NAT1: variants seen among roughly 807,000 people sequenced by gnomAD.
NAT1 encodes N-acetyltransferase 1, also known as arylamine N-acetyltransferase 1.
For missense variants in NAT1, 400 were observed against 339.2 expected, an observed-to-expected ratio of 1.18 and a Z score of -1.41; for synonymous variants, 144 against 122.6, an observed-to-expected ratio of 1.17 and a Z score of -1.16.
intron 2 of NAT1, among the ~76,000 whole-genome samples, chr8:18,171,379 T>C (rs28383659): frequency 1.6e-3 from 189 of 119,616 alleles, no homozygotes; most frequent in African/African-American, 4.6e-3. Context: ...TTAATCCAAA[T>C]TGCCTCCTTA....
intron 2 of NAT1, among the ~76,000 whole-genome samples, chr8:18,184,524 T>G (rs762552052): frequency 1.3e-5 from 2 of 152,202 alleles, no homozygotes; most frequent in Non-Finnish European, 2.9e-5. Context: ...TACAAATTAC[T>G]GGAATTAATC....
chr8:18,172,873 G>T (rs535404125), intron 2 of NAT1, among the ~76,000 whole-genome samples: 89 of 152,148 alleles, frequency 5.8e-4, no homozygotes, highest in African/African-American at 2.1e-3. Flanking sequence ...ATGCTTCAAG[G>T]TCACCTGCCA....
chr8:18,207,142 T>A (rs1382531430), upstream of NAT1, among the ~76,000 whole-genome samples: 1 of 152,228 alleles, frequency 6.6e-6, no homozygotes, highest in Non-Finnish European at 1.5e-5. Context: ...ATTTCACCAT[T>A]GCTTGTTTTT....
At chr8:18,182,297 C>A (rs1280062034) in intron 2 of NAT1, among the ~76,000 whole-genome samples, 2 of 152,168 alleles carry the variant, frequency 1.3e-5, no homozygotes, top group African/African-American at 4.8e-5. Flanking sequence ...CTCAGCATTT[C>A]TTTAATATTC....
intron 2 of NAT1, among the ~76,000 whole-genome samples, chr8:18,191,559 G>A (rs1589071554): frequency 6.6e-6 from 1 of 152,020 alleles, no homozygotes; most frequent in African/African-American, 2.4e-5. Flanking sequence ...AAAGAACAAA[G>A]CTGGAGGCAT....
intron 2 of NAT1, 72 bp from the exon 3 acceptor site, chr8:18,221,970 G>T: frequency 7.1e-7 from 1 of 1,406,144 alleles, no homozygotes; most frequent in Non-Finnish European, 9.7e-7. Flanking sequence ...TTAAAATATA[G>T]CCATAATTAG....
chr8:18,186,914 C>A (rs1802760871), intron 2 of NAT1, among the ~76,000 whole-genome samples: 1 of 152,152 alleles, frequency 6.6e-6, no homozygotes, highest in Non-Finnish European at 1.5e-5. Flanking sequence ...ACTCGAGGAG[C>A]TAAAAGTGAA....
At chr8:18,207,303 G>C (rs193024079), upstream of NAT1, among the ~76,000 whole-genome samples, 23 of 152,272 alleles carry the variant, frequency 1.5e-4, no homozygotes, top group African/African-American at 5.5e-4. Flanking sequence ...AAGGTGGGTA[G>C]TGGGATGCCT....
intron 2 of NAT1, among the ~76,000 whole-genome samples, chr8:18,202,365 G>A (rs1013769642): frequency 4.6e-5 from 7 of 152,168 alleles, no homozygotes; most frequent in Middle Eastern, 3.2e-3. Context: ...CGTCTAAAGC[G>A]CGAAGGGAAA....
chr8:18,191,789 T>G (rs796332046), intron 2 of NAT1, among the ~76,000 whole-genome samples: 1 of 151,276 alleles, frequency 6.6e-6, no homozygotes, highest in South Asian at 2.1e-4. Context: ...TAGCCATATG[T>G]AGAAAGCTGA....
chr8:18,200,200 C>T (rs1563174978), intron 2 of NAT1, among the ~76,000 whole-genome samples: 1 of 152,054 alleles, frequency 6.6e-6, no homozygotes, highest in African/African-American at 2.4e-5. Flanking sequence ...GGTGTATACC[C>T]AAAGGAATAT....
rs141225163 is a variant in NAT1 at position 18,200,759 on chromosome 8, C to T, written n.93-9022C>T. Among the ~76,000 whole-genome samples, 317 of 152,158 alleles carry T rather than the reference C, an allele frequency of 2.1e-3. 2 individuals carry two copies. The highest frequency in any genetic ancestry group is 7.1e-3 in the African/African-American group (293 of 41,542). ...AAGTAATATGTAGGTATCAGGCATACGTGATCAATCCCTTCATTTGTTTAT... is the reference window on the plus strand; with the variant it reads ...AAGTAATATGTAGGTATCAGGCATATGTGATCAATCCCTTCATTTGTTTAT... On this transcript the variant is annotated intron_variant and non_coding_transcript_variant, in intron 2 of 4. Coordinates refer to the NAT1 transcript ENST00000517441.
chr8:18,205,086 A>G (rs1803650685), intron 2 of NAT1, among the ~76,000 whole-genome samples: 1 of 152,196 alleles, frequency 6.6e-6, no homozygotes, highest in Non-Finnish European at 1.5e-5. Flanking sequence ...ACCATTGGTC[A>G]CTACACTCCG....
At chr8:18,191,374 C>T (rs1198059278) in intron 2 of NAT1, among the ~76,000 whole-genome samples, 1 of 152,142 alleles carries the variant, frequency 6.6e-6, no homozygotes, top group Non-Finnish European at 1.5e-5. Context: ...TTTATGTATA[C>T]AAGCCTGTTT....
chr8:18,177,913 T>C (rs770260924), intron 2 of NAT1, among the ~76,000 whole-genome samples: 3 of 152,136 alleles, frequency 2.0e-5, no homozygotes, highest in Non-Finnish European at 4.4e-5. Context: ...TTTGAGGTTA[T>C]CTTAGCTTTT....
intron 2 of NAT1, among the ~76,000 whole-genome samples, chr8:18,193,372 G>T (rs1335196671): frequency 6.7e-6 from 1 of 150,068 alleles, no homozygotes; most frequent in African/African-American, 2.4e-5. Context: ...CAGGAAGACT[G>T]CTTGAGCCTG....
chr8:18,182,709 T>C (rs1357077970), intron 2 of NAT1, among the ~76,000 whole-genome samples: 6 of 152,120 alleles, frequency 3.9e-5, no homozygotes, highest in Non-Finnish European at 1.5e-5. Context: ...TCTAAGACTG[T>C]CTCACTATTT....
At chr8:18,206,448 G>C (rs1371831949), upstream of NAT1, among the ~76,000 whole-genome samples, 2 of 152,100 alleles carry the variant, frequency 1.3e-5, no homozygotes, top group African/African-American at 4.8e-5. Context: ...TGTTAATGTG[G>C]GAAAAACTGA....
At chr8:18,217,053 T>A in intron 1 of NAT1, 1 of 1,151,976 alleles carries the variant, frequency 8.7e-7, no homozygotes, top group East Asian at 2.6e-5. Context: ...AAAGGCAACT[T>A]GTAGATTGGG....
Sources: gnomAD v4.1 joint callset for allele counts (sites outside exome capture counted in the v4.1 genomes callset) on GRCh38, gnomAD v4.1.1 for gene constraint, MANE v1.5 for transcripts, NCBI Gene and HGNC (gene_info 2026-07-23, HGNC 2026-07-21) for gene names.